The following BRINP3 variants were observed in gnomAD, a reference collection of about 807,000 sequenced individuals.
BRINP3 encodes the protein BMP/retinoic acid-inducible neural-specific protein 3.
BRINP3 carries 19 observed loss-of-function variants against 71.0 expected under a neutral mutation model. The observed-to-expected ratio is 0.27, with a 90% CI of 0.19 to 0.39. BRINP3 has a LOEUF of 0.39. Ranked by LOEUF, BRINP3 falls within the 10% of genes least tolerant of loss-of-function variation. The pLI, the probability that BRINP3 is intolerant of heterozygous loss-of-function variation, is 1.00. For missense variants in BRINP3, 959 were observed against 940.8 expected (o/e 1.02, Z -0.25); for synonymous variants, 380 against 337.7 (o/e 1.13, Z -1.37).
In BRINP3 at chr1:190,277,113, A is replaced by ATATATATATATATATATT. The variant is rs746851050; in HGVS notation, c.427+4446_427+4447insAATATATATATATATATA. Among the ~76,000 whole-genome samples the ATATATATATATATATATT allele has an allele frequency of 6.3e-3, 675 of 107,358 alleles. 13 individuals carry two copies. The highest frequency in any genetic ancestry group is 0.036 in the Middle Eastern group (5 of 140). 70.4% of individuals were successfully genotyped at this position (107,358 alleles called of 152,430 possible). A position where few individuals can be genotyped will look rare whatever the true frequency, so the allele number is the denominator to read the frequency against. On this transcript the variant is annotated intron_variant, in intron 3 of 7. Transcript: ENST00000367462. Reference sequence around the variant, plus strand: ...TATATATATATATATATATATATATATATATTTATATTCAGAAAAGAAAAC... The same window carrying ATATATATATATATATATT: ...TATATATATATATATATATATATATATATATATATATATATATTTATATTTATATTCAGAAAAGAAAAC...
intron 2 of BRINP3, among the ~76,000 whole-genome samples, chr1:190,413,672 G>T (rs1672831481): frequency 6.6e-6 from 1 of 152,120 alleles, no homozygotes; most frequent in Admixed American, 6.5e-5. Flanking sequence ...GTCAACCCTT[G>T]ATTTCAATCT....
chr1:190,229,111 C>A (rs1657688489), intron 5 of BRINP3, among the ~76,000 whole-genome samples: 1 of 151,948 alleles, frequency 6.6e-6, no homozygotes, highest in African/African-American at 2.4e-5. Context: ...CTGGGGTTAA[C>A]CTGGAAATAA....
At chr1:190,371,724 A>G (rs1206375582) in intron 2 of BRINP3, among the ~76,000 whole-genome samples, 1 of 152,144 alleles carries the variant, frequency 6.6e-6, no homozygotes, top group East Asian at 1.9e-4. Flanking sequence ...AAGAATTTTG[A>G]TAAGGATTGC....
chr1:190,388,728 A>G (rs1671065987), intron 2 of BRINP3, among the ~76,000 whole-genome samples: 1 of 151,882 alleles, frequency 6.6e-6, no homozygotes, highest in Admixed American at 6.6e-5. Flanking sequence ...TTATTACAAC[A>G]TCTCTAAGAA....
At chr1:190,262,882 CAT>C (rs551111322) in intron 4 of BRINP3, among the ~76,000 whole-genome samples, 5 of 151,788 alleles carry the variant, frequency 3.3e-5, no homozygotes, top group African/African-American at 1.2e-4. Flanking sequence ...CTCATTAAAA[CAT>C]ATATATATAC....
chr1:190,334,332 C>T lies in BRINP3; in HGVS notation c.237-52582G>A, dbSNP rs147503161. Among the ~76,000 whole-genome samples, 32 of 151,796 alleles carry T rather than the reference C, an allele frequency of 2.1e-4. No homozygotes were observed. The East Asian group carries it at 4.9e-3, about 23-fold the overall frequency. ...TGAAAAATATGTGAATAATTATTTC[C>T]TTTGGTTTCCCATCATAATGTGGAA... On this transcript the variant is annotated intron_variant, in intron 2 of 7. Transcript: ENST00000367462.
intron 2 of BRINP3, among the ~76,000 whole-genome samples, chr1:190,407,527 G>A (rs1242829204): frequency 1.3e-5 from 2 of 151,992 alleles, no homozygotes; most frequent in Admixed American, 1.3e-4. Flanking sequence ...AGGCACTGTT[G>A]TTATCCTTTT....
intron 2 of BRINP3, among the ~76,000 whole-genome samples, chr1:190,317,210 C>T (rs1327045227): frequency 6.7e-6 from 1 of 149,838 alleles, no homozygotes; most frequent in Non-Finnish European, 1.5e-5. Context: ...AAATACCTTG[C>T]CTTAAAAAAC....
At chr1:190,448,755 T>G (rs1675406044) in intron 2 of BRINP3, among the ~76,000 whole-genome samples, 1 of 151,934 alleles carries the variant, frequency 6.6e-6, no homozygotes, top group African/African-American at 2.4e-5. Flanking sequence ...TATTTACACT[T>G]ATTACATTTG....
intron 2 of BRINP3, among the ~76,000 whole-genome samples, chr1:190,326,931 G>C (rs1045967277): frequency 6.6e-5 from 10 of 151,300 alleles, no homozygotes; most frequent in Non-Finnish European, 1.3e-4. Flanking sequence ...CTTCACAATA[G>C]GTTCAAAACC....
At chr1:190,361,803 A>T (rs1480374265) in intron 2 of BRINP3, among the ~76,000 whole-genome samples, 2 of 152,168 alleles carry the variant, frequency 1.3e-5, no homozygotes, top group Non-Finnish European at 2.9e-5. Flanking sequence ...TGCAAACTTC[A>T]TCATCCACAA....
At chr1:190,449,563 G>T (rs1558297279) in intron 2 of BRINP3, among the ~76,000 whole-genome samples, 1 of 150,644 alleles carries the variant, frequency 6.6e-6, no homozygotes, top group Non-Finnish European at 1.5e-5. Context: ...ATTATAGCAT[G>T]TATATATATA....
intron 1 of BRINP3, among the ~76,000 whole-genome samples, chr1:190,471,007 C>A (rs1677101802): frequency 6.6e-6 from 1 of 150,886 alleles, no homozygotes; most frequent in Admixed American, 6.6e-5. Context: ...GGATTAAAGG[C>A]TTATAAAGTA....
chr1:190,256,821 GT>G (rs1660704211), intron 4 of BRINP3, among the ~76,000 whole-genome samples: 1 of 152,166 alleles, frequency 6.6e-6, no homozygotes, highest in Admixed American at 6.5e-5. Flanking sequence ...GGCCCCCACT[GT>G]TTTCTGGCTT....
At chr1:190,247,223 T>A (rs1201646568) in intron 4 of BRINP3, among the ~76,000 whole-genome samples, 1 of 151,862 alleles carries the variant, frequency 6.6e-6, no homozygotes, top group Non-Finnish European at 1.5e-5. Context: ...GCTGTGTAAC[T>A]AGAAGTATGA....
At chr1:190,308,743 T>G (rs1232411857) in intron 2 of BRINP3, among the ~76,000 whole-genome samples, 2 of 152,036 alleles carry the variant, frequency 1.3e-5, no homozygotes, top group Admixed American at 1.3e-4. Flanking sequence ...TCTGAAGTCC[T>G]TGAATTTTCT....
intron 6 of BRINP3, among the ~76,000 whole-genome samples, chr1:190,221,006 A>C (rs1011684911): frequency 1.2e-4 from 19 of 152,174 alleles, no homozygotes; most frequent in Middle Eastern, 3.4e-3. Flanking sequence ...ATCTGTAAAC[A>C]GAGGAGTTCG....
At chr1:190,449,880 C>A (rs1321566752) in intron 2 of BRINP3, among the ~76,000 whole-genome samples, 1 of 152,128 alleles carries the variant, frequency 6.6e-6, no homozygotes, top group Non-Finnish European at 1.5e-5. Context: ...TTCTGAAAGT[C>A]CTTGTTCCTT....
intron 6 of BRINP3, among the ~76,000 whole-genome samples, chr1:190,191,617 G>C (rs563779418): frequency 6.6e-6 from 1 of 152,144 alleles, no homozygotes; most frequent in East Asian, 1.9e-4. Flanking sequence ...AGTATTCCAT[G>C]GTGTATATGT....
Sources: gnomAD v4.1 joint callset for allele counts (sites outside exome capture counted in the v4.1 genomes callset) on GRCh38, gnomAD v4.1.1 for gene constraint, MANE v1.5 for transcripts, NCBI Gene and HGNC (gene_info 2026-07-23, HGNC 2026-07-21) for gene names.